PALLD: variants seen among roughly 807,000 people sequenced by gnomAD.
PALLD encodes palladin, cytoskeletal associated protein.
Under a neutral mutation model 123.5 loss-of-function variants are expected in PALLD, and 61 were observed. The ratio of observed to expected loss-of-function variants is 0.49; its 90% CI spans 0.40 to 0.61. The LOEUF (loss-of-function observed/expected upper bound fraction) is 0.61, where lower values mean the gene tolerates loss of function less well. Among genes scored for constraint, PALLD ranks in the 20% least tolerant of loss-of-function variants. The pLI is 0.00. For synonymous variants in PALLD, 465 were observed against 496.4 expected (o/e 0.94, Z 0.84); for missense variants, 1,273 against 1,377.0 (o/e 0.92, Z 1.20).
At chr4:168,807,741 C>T (rs527438757) in intron 10 of PALLD, among the ~76,000 whole-genome samples, 1 of 151,416 alleles carries the variant, frequency 6.6e-6, no homozygotes, top group African/African-American at 2.4e-5. Flanking sequence ...GTTTCACTCT[C>T]GTTGCCCAGG....
At chr4:168,707,681 G>A (rs192532910) in intron 8 of PALLD, among the ~76,000 whole-genome samples, 1 of 152,286 alleles carries the variant, frequency 6.6e-6, no homozygotes, top group East Asian at 1.9e-4. Flanking sequence ...CTTTATGAAG[G>A]TGTTGCAGAG....
rs554494727 is a variant in PALLD, at chr4:168,768,850, T to C, written c.1964+56927T>C. On this transcript the variant is annotated intron_variant, in intron 10 of 21. Transcript: ENST00000505667. Reference sequence around the variant, plus strand: ...ACCATGCCCAGCTAATTTTTTGCATTTTAGTAGAGATGGGATTTCACCATT... The same window carrying C: ...ACCATGCCCAGCTAATTTTTTGCATCTTAGTAGAGATGGGATTTCACCATT... Among the ~76,000 whole-genome samples the C allele has an allele frequency of 2.8e-4, 42 of 150,262 alleles. No homozygotes were observed. The South Asian group carries it at 8.1e-3, about 29-fold the overall frequency.
intron 10 of PALLD, among the ~76,000 whole-genome samples, chr4:168,777,629 A>G (rs1735350198): frequency 6.6e-6 from 1 of 152,242 alleles, no homozygotes; most frequent in Non-Finnish European, 1.5e-5. Context: ...AGGCTAGACT[A>G]GAGAGGCTGT....
At chr4:168,713,845 C>G (rs965268801) in intron 10 of PALLD, among the ~76,000 whole-genome samples, 1 of 149,632 alleles carries the variant, frequency 6.7e-6, no homozygotes, top group South Asian at 2.1e-4. Flanking sequence ...ATAGGTTACT[C>G]TCCCTTCATG....
In PALLD at chr4:168,898,651, C is replaced by T. The variant is rs1560881962; in HGVS notation, c.2409C>T (p.Tyr803=). The change falls in exon 14 of 22, where the codon TAC becomes TAT. Residue 803 remains tyrosine, a synonymous_variant. Transcript: ENST00000505667. ...TCTTTGAGATGAAGCTGAAACATTA[C>T]AAGATCTTTGAGGGAATGCCAGTAA... The part of the protein sequence containing the change: ...APFFEMKLKH[Y]KIFEGMPVTF... The T allele has an allele frequency of 1.9e-6, 3 of 1,614,094 alleles. No individual in the cohort carries two copies. The highest frequency in any genetic ancestry group is 2.5e-6 in the Non-Finnish European group (3 of 1,179,986).
At chr4:168,620,247 G>C (rs924247560) in intron 2 of PALLD, among the ~76,000 whole-genome samples, 1 of 152,194 alleles carries the variant, frequency 6.6e-6, no homozygotes, top group Non-Finnish European at 1.5e-5. Flanking sequence ...ACGAGGTCAG[G>C]AGTTCGAGAC....
rs554913376 is a variant in PALLD, at chr4:168,902,914, G to C, written c.2473-843G>C. ...AGCCTTCCAAATAGCTAGGGCTATA[G>C]ACATGCACCACCACACCCAGATAAT... On this transcript the variant is annotated intron_variant, in intron 14 of 21. Transcript: ENST00000505667. Among the ~76,000 whole-genome samples the C allele has an allele frequency of 2.6e-5, 4 of 152,152 alleles. No individual in the cohort carries two copies. The South Asian group carries it at 8.3e-4, about 32-fold the overall frequency.
At chr4:168,835,306 T>G (rs981024372) in intron 10 of PALLD, among the ~76,000 whole-genome samples, 22 of 152,126 alleles carry the variant, frequency 1.4e-4, no homozygotes, top group Non-Finnish European at 2.1e-4. Context: ...TACAAGTAAA[T>G]GGGGAAAATA....
At chr4:168,826,754 C>T (rs1581660949) in intron 10 of PALLD, among the ~76,000 whole-genome samples, 1 of 152,212 alleles carries the variant, frequency 6.6e-6, no homozygotes, top group African/African-American at 2.4e-5. Context: ...ATGGCAGCAT[C>T]GCACTGTGTC....
intron 2 of PALLD, among the ~76,000 whole-genome samples, chr4:168,557,109 T>C (rs1297171004): frequency 6.6e-6 from 1 of 152,040 alleles, no homozygotes; most frequent in Non-Finnish European, 1.5e-5. Context: ...AGTGACGGGA[T>C]CTTGGCTCAC....
At chr4:168,609,814 C>T (rs1416460652) in intron 2 of PALLD, among the ~76,000 whole-genome samples, 3 of 152,206 alleles carry the variant, frequency 2.0e-5, no homozygotes, top group Non-Finnish European at 2.9e-5. Context: ...GTTACTGTTC[C>T]TTCAAAAATG....
Position 168,621,677 on chromosome 4 carries a change from G to A in PALLD, c.909-46513G>A, listed in dbSNP as rs145557975. Among the ~76,000 whole-genome samples, 470 of 152,148 alleles carry A rather than the reference G, an allele frequency of 3.1e-3. 2 individuals are homozygous for A. Among genetic ancestry groups the A allele is most frequent in the African/African-American group, 0.01 (431 of 41,494 alleles). ...CCTCTCTCAAATGTATATAAATCCC[G>A]TAAGTGATGAAAGGAATTTTACTAA... On this transcript the variant is annotated intron_variant, in intron 2 of 21. Transcript: ENST00000505667.
At chr4:168,500,442 C>T (rs965477286) in intron 1 of PALLD, among the ~76,000 whole-genome samples, 1 of 152,172 alleles carries the variant, frequency 6.6e-6, no homozygotes, top group Non-Finnish European at 1.5e-5. Flanking sequence ...TCGCTCACTG[C>T]AGCCTAGAAC....
intron 2 of PALLD, among the ~76,000 whole-genome samples, chr4:168,660,879 A>T (rs990287419): frequency 2.6e-5 from 4 of 151,994 alleles, no homozygotes; most frequent in African/African-American, 9.7e-5. Flanking sequence ...TTGAAGCAGT[A>T]CAAGTTTCTT....
chr4:168,625,744 T>G (rs1775202846), intron 2 of PALLD, among the ~76,000 whole-genome samples: 1 of 151,966 alleles, frequency 6.6e-6, no homozygotes, highest in African/African-American at 2.4e-5. Context: ...AGATGGCTGC[T>G]ATGAAGAACA....
intron 15 of PALLD, among the ~76,000 whole-genome samples, chr4:168,909,481 C>G (rs1374012757): frequency 6.6e-6 from 1 of 152,078 alleles, no homozygotes; most frequent in Non-Finnish European, 1.5e-5. Context: ...GCTTTAAACT[C>G]TGTGGATTTG....
intron 10 of PALLD, among the ~76,000 whole-genome samples, chr4:168,807,311 A>T (rs914539968): frequency 6.6e-6 from 1 of 151,976 alleles, no homozygotes; most frequent in Non-Finnish European, 1.5e-5. Context: ...AGTGAATGAT[A>T]CTCAGTTTAA....
intron 2 of PALLD, among the ~76,000 whole-genome samples, chr4:168,579,165 G>T (rs903815508): frequency 6.6e-6 from 1 of 152,164 alleles, no homozygotes; most frequent in African/African-American, 2.4e-5. Flanking sequence ...ACAGTGGGGA[G>T]GTCAAGGTAG....
chr4:168,881,765 A>G (rs927919787), intron 10 of PALLD, among the ~76,000 whole-genome samples: 6 of 152,200 alleles, frequency 3.9e-5, no homozygotes, highest in Admixed American at 3.9e-4. Context: ...TCCCCTCACT[A>G]TTGCTGGTAA....
Sources: allele counts gnomAD v4.1 joint callset (sites outside exome capture counted in the v4.1 genomes callset), GRCh38; gene constraint gnomAD v4.1.1; transcripts MANE v1.5; gene names NCBI Gene and HGNC (gene_info 2026-07-23, HGNC 2026-07-21).